The following RREB1 variants were observed in gnomAD, a reference collection of about 807,000 sequenced individuals.
RREB1 encodes ras responsive element binding protein 1, also known as ras-responsive element-binding protein 1.
Under a neutral mutation model 117.8 loss-of-function variants are expected in RREB1, and 27 were observed. That is an observed-to-expected ratio of 0.23 (90% CI 0.17 to 0.32). RREB1 has a LOEUF of 0.32. Ranked by LOEUF, RREB1 falls within the 10% of genes least tolerant of loss-of-function variation. The probability of loss-of-function intolerance (pLI) is 1.00; values close to 1 mark genes in which losing one functional copy is unlikely to be tolerated. For missense variants in RREB1, 2,577 were observed against 2,378.2 expected (o/e 1.08, Z -1.74); for synonymous variants, 1,298 against 1,026.7 (o/e 1.26, Z -5.05).
In RREB1 at chr6:7,249,398, A is replaced by C. The variant is rs186042270; in HGVS notation, c.*430A>C. ...TGTGAGCTGGAAACAGAAGGAAAAA[A>C]CATACCCTTGGGTACCCATAGCCAA... On this transcript the variant is annotated 3_prime_UTR_variant, in exon 13 of 13. Coordinates refer to ENST00000379938, the MANE Select transcript of RREB1 (RefSeq NM_001003699.4). 14 of 166,892 alleles carry C rather than the reference A, an allele frequency of 8.4e-5. No individual in the cohort carries two copies. The Admixed American group carries it at 8.9e-4, about 11-fold the overall frequency. 10.3% of individuals were successfully genotyped at this position (166,892 alleles called of 1,614,324 possible).
chr6:7,110,115 C>A (rs969638072), intron 1 of RREB1, among the ~76,000 whole-genome samples: 1 of 151,942 alleles, frequency 6.6e-6, no homozygotes, highest in African/African-American at 2.4e-5. Flanking sequence ...TATTTTTTTT[C>A]CCCTTTATAT....
rs530826066 is a variant in RREB1, at chr6:7,181,056, T to C, written c.-165-68T>C. On this transcript the variant is annotated intron_variant, in intron 2 of 12. Transcript: ENST00000379938. The stretch of plus-strand genomic sequence containing the variant: ...TATAGTGGTCTAAGATTATAGCCAA[T>C]AAATGATTTCAGTTTTTTCTTCACT... 3.6e-4 allele frequency: 143 copies of C among 396,752 alleles called. 2 individuals are homozygous for C. The East Asian group carries it at 5.1e-3, about 14-fold the overall frequency. 24.6% of individuals were successfully genotyped at this position (396,752 alleles called of 1,614,324 possible).
chr6:7,117,396 T>G (rs1021117262), intron 1 of RREB1, among the ~76,000 whole-genome samples: 15 of 28,094 alleles, frequency 5.3e-4, no homozygotes, highest in East Asian at 1.6e-3. Context: ...CTGTTTTTTT[T>G]TTTTTTTTTT....
At position 7,115,211 on chromosome 6, in the gene RREB1, G is replaced by C. The variant is rs577240796; in HGVS notation, c.-285+7151G>C. ...AGCTGCTGTGGTTGGGAGGGATAGG[G>C]AGGGAGTAAGGGGATGCAGGGTAGG... On this transcript the variant is annotated intron_variant, in intron 1 of 12. Coordinates refer to ENST00000379938, the MANE Select transcript of RREB1 (RefSeq NM_001003699.4). Among the ~76,000 whole-genome samples the C allele has an allele frequency of 4.6e-5, 7 of 152,244 alleles. No individual in the cohort carries two copies. The East Asian group carries it at 1.4e-3, about 29-fold the overall frequency.
intron 1 of RREB1, among the ~76,000 whole-genome samples, chr6:7,127,547 C>A (rs1761990189): frequency 6.6e-6 from 1 of 152,060 alleles, no homozygotes; most frequent in Non-Finnish European, 1.5e-5. Context: ...GATTGGAATT[C>A]TTTAGAGGAG....
chr6:7,113,667 G>T (rs1023385760), intron 1 of RREB1, among the ~76,000 whole-genome samples: 3 of 152,196 alleles, frequency 2.0e-5, no homozygotes, highest in African/African-American at 7.2e-5. Flanking sequence ...GAGTCAGTTT[G>T]ACCTCAGGAG....
chr6:7,173,231 G>A (rs1310323937), intron 1 of RREB1, among the ~76,000 whole-genome samples: 1 of 152,080 alleles, frequency 6.6e-6, no homozygotes, highest in Non-Finnish European at 1.5e-5. Flanking sequence ...CACATTTCCT[G>A]GGGGCCTTAG....
Position 7,115,741 on chromosome 6 carries a change from A to C in RREB1, c.-285+7681A>C, listed in dbSNP as rs114487809. Among the ~76,000 whole-genome samples, 704 of 151,982 alleles carry C rather than the reference A, an allele frequency of 4.6e-3. 7 individuals are homozygous for C. Among genetic ancestry groups the C allele is most frequent in the African/African-American group, 0.016 (665 of 41,434 alleles). On this transcript the variant is annotated intron_variant, in intron 1 of 12. Coordinates refer to ENST00000379938, the MANE Select transcript of RREB1 (RefSeq NM_001003699.4). ...TCCCAACTCTATATCTCCATTTACA[A>C]CTTCTCCCAAGCTTGAACCTTTTGT...
Position 7,182,083 on chromosome 6 carries a change from G to C in RREB1, c.171+1G>C. ...AAATCGGATTGGCAGAAGGAACCAGGTAAGTGTTCACACCTAGTGGTGACC... is the reference window on the plus strand; with the variant it reads ...AAATCGGATTGGCAGAAGGAACCAGCTAAGTGTTCACACCTAGTGGTGACC... On this transcript the variant is annotated splice_donor_variant, in intron 4 of 12. Transcript: ENST00000379938. LOFTEE classifies it high-confidence loss of function. The C allele has an allele frequency of 1.2e-6, 2 of 1,613,962 alleles. No homozygotes were observed. Among genetic ancestry groups the C allele is most frequent in the Non-Finnish European group, 8.5e-7 (1 of 1,179,872 alleles).
rs529748139 is a variant in RREB1 at position 7,161,594 on chromosome 6, A to C, written c.-284-15061A>C. Among the ~76,000 whole-genome samples, 19 of 151,968 alleles carry C rather than the reference A, an allele frequency of 1.3e-4. 1 individual carries two copies. Among genetic ancestry groups the C allele is most frequent in the Middle Eastern group, 3.4e-3 (1 of 294 alleles). On this transcript the variant is annotated intron_variant, in intron 1 of 12. Coordinates refer to ENST00000379938, the MANE Select transcript of RREB1 (RefSeq NM_001003699.4). ...GGGATCCCCCATGCCCTCCTTTCCT[A>C]TCTTTCTCAAAACCAGCTGTTTTTC...
intron 11 of RREB1, among the ~76,000 whole-genome samples, chr6:7,242,707 G>GT (rs369036791): frequency 2.7e-4 from 41 of 151,374 alleles, no homozygotes; most frequent in African/African-American, 9.0e-4. Flanking sequence ...AAAAGGGGGG[G>GT]GGGGAAGGAA....
At chr6:7,246,126 G>A (rs1428474556) in intron 11 of RREB1, among the ~76,000 whole-genome samples, 1 of 152,206 alleles carries the variant, frequency 6.6e-6, no homozygotes, top group African/African-American at 2.4e-5. Context: ...CCCTGCCTGA[G>A]TCACTCACAC....
intron 1 of RREB1, among the ~76,000 whole-genome samples, chr6:7,112,909 G>A (rs949128420): frequency 6.6e-6 from 1 of 152,226 alleles, no homozygotes; most frequent in East Asian, 1.9e-4. Context: ...CGTTGGCAGT[G>A]GCGGGTTGGG....
intron 1 of RREB1, among the ~76,000 whole-genome samples, chr6:7,123,260 C>T (rs1017254066): frequency 1.3e-5 from 2 of 151,948 alleles, no homozygotes; most frequent in Admixed American, 1.3e-4. Context: ...CGGGTTCAAG[C>T]GATTCTCCTG....
At chr6:7,173,919 T>C (rs1010335384) in intron 1 of RREB1, among the ~76,000 whole-genome samples, 1 of 152,242 alleles carries the variant, frequency 6.6e-6, no homozygotes, top group African/African-American at 2.4e-5. Context: ...ATCTTCTGTT[T>C]CTGGCTTTAC....
chr6:7,110,494 GT>G (rs966186296), intron 1 of RREB1, among the ~76,000 whole-genome samples: 1 of 152,102 alleles, frequency 6.6e-6, no homozygotes, highest in African/African-American at 2.4e-5. Context: ...GTGTGTGTGT[GT>G]GTATGTGTTT....
intron 10 of RREB1, among the ~76,000 whole-genome samples, chr6:7,236,147 G>A (rs79622383): frequency 6.6e-6 from 1 of 152,098 alleles, no homozygotes; most frequent in East Asian, 1.9e-4. Context: ...GGAGCATCTC[G>A]TGTGTTTTTA....
intron 6 of RREB1, among the ~76,000 whole-genome samples, chr6:7,196,500 A>G (rs914153638): frequency 1.3e-5 from 2 of 152,062 alleles, no homozygotes; most frequent in Non-Finnish European, 2.9e-5. Flanking sequence ...TAAACTTCAC[A>G]GAATGAAGGT....
intron 11 of RREB1, among the ~76,000 whole-genome samples, chr6:7,242,128 T>C (rs1323568198): frequency 6.6e-6 from 1 of 152,242 alleles, no homozygotes; most frequent in Admixed American, 6.5e-5. Context: ...AGCCGGTAAC[T>C]GAGGGAGCTG....
Sources: gnomAD v4.1 joint callset for allele counts (sites outside exome capture counted in the v4.1 genomes callset) on GRCh38, gnomAD v4.1.1 for gene constraint, MANE v1.5 for transcripts, NCBI Gene and HGNC (gene_info 2026-07-23, HGNC 2026-07-21) for gene names.